Variants in IQCM observed in about 807,000 individuals in gnomAD.
IQCM encodes the protein IQ motif containing M.
A neutral mutation model predicts 57.6 loss-of-function variants in IQCM; 45 were observed. The observed-to-expected ratio is 0.78, with a 90% CI of 0.62 to 1.00. The LOEUF is 1.00. IQCM is among the 50% of genes least tolerant of loss of function. The probability of loss-of-function intolerance (pLI) is 0.00; values close to 1 mark genes in which losing one functional copy is unlikely to be tolerated. For missense variants in IQCM, 468 were observed against 511.6 expected, an observed-to-expected ratio of 0.91 and a Z score of 0.82; for synonymous variants, 148 against 158.9, an observed-to-expected ratio of 0.93 and a Z score of 0.51.
At chr4:149,503,384 A>C (rs1332409661) in intron 12 of IQCM, among the ~76,000 whole-genome samples, 2 of 152,196 alleles carry the variant, frequency 1.3e-5, no homozygotes, top group African/African-American at 4.8e-5. Context: ...GATATTTTTA[A>C]ATTTTAAAGA....
At chr4:149,396,037 A>AT (rs1732203340) in intron 13 of IQCM, among the ~76,000 whole-genome samples, 1 of 151,914 alleles carries the variant, frequency 6.6e-6, no homozygotes, top group Non-Finnish European at 1.5e-5. Context: ...AAATTTCTAT[A>AT]TTTTTAGTTT....
chr4:149,451,804 T>C (rs1737151107), intron 12 of IQCM, among the ~76,000 whole-genome samples: 1 of 151,800 alleles, frequency 6.6e-6, no homozygotes, highest in Admixed American at 6.6e-5. Context: ...TGAAAAATTG[T>C]ATGTTTTCCT....
intron 13 of IQCM, among the ~76,000 whole-genome samples, chr4:149,409,967 C>A (rs760266118): frequency 6.6e-6 from 1 of 152,116 alleles, no homozygotes; most frequent in Non-Finnish European, 1.5e-5. Context: ...AGGTGGATCA[C>A]GAGATCAGGA....
intron 12 of IQCM, among the ~76,000 whole-genome samples, chr4:149,493,083 T>A (rs1742269161): frequency 6.6e-6 from 1 of 152,108 alleles, no homozygotes; most frequent in Non-Finnish European, 1.5e-5. Flanking sequence ...GAATATCCAC[T>A]CCTGGGGAAG....
chr4:149,576,357 C>T (rs1230201845), intron 9 of IQCM, among the ~76,000 whole-genome samples: 2 of 151,708 alleles, frequency 1.3e-5, no homozygotes, highest in South Asian at 2.1e-4. Context: ...CTTGTATCCA[C>T]GTGTACCCAA....
chr4:149,385,776 G>C (rs1731382236), intron 13 of IQCM, among the ~76,000 whole-genome samples: 1 of 152,034 alleles, frequency 6.6e-6, no homozygotes, highest in South Asian at 2.1e-4. Context: ...TTTCAAATAA[G>C]TTGAAGTTCT....
chr4:149,657,391 A>C (rs1369696483), intron 7 of IQCM, among the ~76,000 whole-genome samples: 3 of 152,086 alleles, frequency 2.0e-5, no homozygotes, highest in African/African-American at 7.2e-5. Context: ...TATATGTACC[A>C]CATTTTGTCT....
intron 8 of IQCM, among the ~76,000 whole-genome samples, chr4:149,590,247 C>CTTTTTTTTTTTTTTTTTTTTTTTTTTTCT (rs71596214): frequency 7.2e-4 from 53 of 73,582 alleles, no homozygotes; most frequent in Non-Finnish European, 8.6e-4. Flanking sequence ...TTTTTCTTTC[C>CTTTTTTTTTTTTTTTTTTTTTTTTTTTCT]TTTTTTTTTT....
At chr4:149,565,433 C>A (rs1750529518) in intron 9 of IQCM, among the ~76,000 whole-genome samples, 1 of 152,126 alleles carries the variant, frequency 6.6e-6, no homozygotes, top group African/African-American at 2.4e-5. Context: ...CAGGAAATCC[C>A]AGTTCTGTCT....
At chr4:149,386,708 C>T (rs1731451654) in intron 13 of IQCM, among the ~76,000 whole-genome samples, 1 of 151,986 alleles carries the variant, frequency 6.6e-6, no homozygotes, top group South Asian at 2.1e-4. Context: ...TTAATCTGAA[C>T]TATTCCTTTG....
At chr4:149,811,037 T>C (rs1426624821) in intron 2 of IQCM, among the ~76,000 whole-genome samples, 3 of 152,210 alleles carry the variant, frequency 2.0e-5, no homozygotes, top group Non-Finnish European at 4.4e-5. Context: ...GCTTTTCTAC[T>C]CATAGATACT....
chr4:149,779,397 T>C (rs1333493405), intron 2 of IQCM, among the ~76,000 whole-genome samples: 2 of 152,202 alleles, frequency 1.3e-5, no homozygotes, highest in Admixed American at 1.3e-4. Context: ...ACTAAGGCTG[T>C]GTTGTATTGG....
At chr4:149,628,919 A>G (rs1424876683) in intron 7 of IQCM, among the ~76,000 whole-genome samples, 1 of 152,214 alleles carries the variant, frequency 6.6e-6, no homozygotes, top group Non-Finnish European at 1.5e-5. Flanking sequence ...AGGAAAATGA[A>G]AAGTTAAATA....
chr4:149,415,329 G>A (rs1280061127), intron 13 of IQCM, among the ~76,000 whole-genome samples: 2 of 152,228 alleles, frequency 1.3e-5, no homozygotes, highest in East Asian at 1.9e-4. Flanking sequence ...TCCACTGACT[G>A]GGGAATCTTG....
rs189655307 is a variant in IQCM, at chr4:149,549,602, A to T, written c.1094-1013T>A. ...TTTTTTCTCTTTTCAAAAAAGTGAC[A>T]CTGAGTTTCTACTTTGAAATATGTT... On this transcript the variant is annotated intron_variant, in intron 11 of 13. Coordinates refer to ENST00000636793, the MANE Select transcript of IQCM (RefSeq NM_001363507.2). Among the ~76,000 whole-genome samples, 22 of 152,352 alleles carry T rather than the reference A, an allele frequency of 1.4e-4. 1 individual carries two copies. Among genetic ancestry groups the T allele is most frequent in the African/African-American group, 5.0e-4 (21 of 41,590 alleles).
In IQCM at chr4:149,363,863, C is replaced by T. The variant is rs929172523; in HGVS notation, c.1391-11797G>A. ...TATTCACTGCCCTCAAGCAGAAAAA[C>T]CCAAGAACAATGAAGACAAGTGCAT... is the stretch of plus-strand genomic sequence containing the variant. On this transcript the variant is annotated intron_variant, in intron 13 of 13. Coordinates refer to ENST00000636793, the MANE Select transcript of IQCM (RefSeq NM_001363507.2). 2.6e-5 allele frequency among the ~76,000 whole-genome samples: 4 copies of T among 152,116 alleles called. No individual in the cohort carries two copies. In the East Asian group the frequency reaches 7.7e-4, roughly 29 times the overall value.
intron 7 of IQCM, among the ~76,000 whole-genome samples, chr4:149,679,057 T>C (rs1195572509): frequency 6.6e-6 from 1 of 151,654 alleles, no homozygotes; most frequent in East Asian, 1.9e-4. Context: ...AGGAAATGAA[T>C]GTATCAAAAA....
intron 7 of IQCM, among the ~76,000 whole-genome samples, chr4:149,666,808 C>CA (rs757652312): frequency 5.2e-4 from 79 of 152,140 alleles, no homozygotes; most frequent in Non-Finnish European, 1.0e-3. Flanking sequence ...ACAAAGCTGC[C>CA]CAGAAATTCA....
chr4:149,421,587 G>C (rs758552887), intron 13 of IQCM, among the ~76,000 whole-genome samples: 4 of 151,874 alleles, frequency 2.6e-5, no homozygotes, highest in Non-Finnish European at 5.9e-5. Flanking sequence ...TAGTATCCAG[G>C]TGTTTGCATA....
Sources: allele counts gnomAD v4.1 joint callset (sites outside exome capture counted in the v4.1 genomes callset), GRCh38; gene constraint gnomAD v4.1.1; transcripts MANE v1.5; gene names NCBI Gene and HGNC (gene_info 2026-07-23, HGNC 2026-07-21).